The following STXBP5L variants were observed in gnomAD, a reference collection of about 807,000 sequenced individuals.
The protein encoded by STXBP5L is syntaxin binding protein 5L.
Under a neutral mutation model 144.5 loss-of-function variants are expected in STXBP5L, and 65 were observed. That is an observed-to-expected ratio of 0.45 (90% CI 0.37 to 0.55). The LOEUF (loss-of-function observed/expected upper bound fraction) is 0.55, where lower values mean the gene tolerates loss of function less well. Among genes scored for constraint, STXBP5L ranks in the 20% least tolerant of loss-of-function variants. STXBP5L has a pLI of 0.00. For missense variants in STXBP5L, 1,298 were observed against 1,405.5 expected (o/e 0.92, Z 1.22); for synonymous variants, 505 against 469.6 (o/e 1.08, Z -0.97).
At chr3:121,080,170 G>T (rs2107689680) in intron 5 of STXBP5L, among the ~76,000 whole-genome samples, 2 of 152,036 alleles carry the variant, frequency 1.3e-5, no homozygotes, top group Admixed American at 1.3e-4. Flanking sequence ...GTTTCCATTG[G>T]CATGGAACAT....
At chr3:121,103,308 G>T (rs566640180) in intron 5 of STXBP5L, among the ~76,000 whole-genome samples, 1 of 152,254 alleles carries the variant, frequency 6.6e-6, no homozygotes, top group South Asian at 2.1e-4. Flanking sequence ...CTTGACAGTG[G>T]ATTGGAGGAA....
intron 2 of STXBP5L, among the ~76,000 whole-genome samples, chr3:120,932,654 G>C (rs900214730): frequency 1.1e-4 from 16 of 152,224 alleles, no homozygotes; most frequent in Non-Finnish European, 1.5e-4. Context: ...CCTCAGGGAT[G>C]TAGAACTGGA....
intron 22 of STXBP5L, among the ~76,000 whole-genome samples, chr3:121,383,826 G>A (rs2046369511): frequency 6.6e-6 from 1 of 152,036 alleles, no homozygotes; most frequent in Non-Finnish European, 1.5e-5. Context: ...ATACCCATGA[G>A]TCTCTGCCCA....
At chr3:121,062,323 A>C (rs767584530) in intron 5 of STXBP5L, among the ~76,000 whole-genome samples, 2 of 152,076 alleles carry the variant, frequency 1.3e-5, no homozygotes, top group Non-Finnish European at 2.9e-5. Flanking sequence ...TTTTCCCCCC[A>C]CTTTCTTCTG....
At chr3:121,186,870 T>C (rs1442171145) in intron 9 of STXBP5L, among the ~76,000 whole-genome samples, 4 of 152,108 alleles carry the variant, frequency 2.6e-5, no homozygotes, top group African/African-American at 9.7e-5. Flanking sequence ...TGAGATACCA[T>C]CTCACACCAG....
At chr3:121,196,949 C>T (rs2047943948) in intron 9 of STXBP5L, among the ~76,000 whole-genome samples, 1 of 152,190 alleles carries the variant, frequency 6.6e-6, no homozygotes, top group Non-Finnish European at 1.5e-5. Flanking sequence ...TCCCAAAGTG[C>T]TGGGATTTCA....
intron 11 of STXBP5L, 144 bp downstream of exon 11, chr3:121,223,301 T>C: frequency 2.5e-6 from 2 of 790,610 alleles, no homozygotes; most frequent in Non-Finnish European, 1.9e-6. Flanking sequence ...TCTGCAACTG[T>C]ACCTACTTGA....
Position 121,359,933 on chromosome 3 carries a change from T to G in STXBP5L, c.2177-18783T>G, listed in dbSNP as rs890386829. 2.1e-5 allele frequency among the ~76,000 whole-genome samples: 3 copies of G among 142,052 alleles called. No individual in the cohort carries two copies. In the Admixed American group the frequency reaches 2.2e-4, roughly 10 times the overall value. The allele number at this position is 142,052 out of a possible 152,430, so 93.2% of individuals were successfully genotyped here. On this transcript the variant is annotated intron_variant, in intron 20 of 26. Coordinates refer to ENST00000471454, the MANE Select transcript of STXBP5L (RefSeq NM_001308330.2). The stretch of plus-strand genomic sequence containing the variant: ...CCAGTTTGGTTCTTTTTGCTTAGGA[T>G]ATCTTTGACTATTCTGAGTCTTTTG...
chr3:121,416,014 G>A lies in STXBP5L; in HGVS notation c.3226+46G>A, dbSNP rs553145585. The A allele has an allele frequency of 1.4e-4, 202 of 1,475,282 alleles. 2 individuals carry two copies. In the South Asian group the frequency reaches 1.5e-3, roughly 11 times the overall value. 91.4% of individuals were successfully genotyped at this position (1,475,282 alleles called of 1,614,324 possible). A position where few individuals can be genotyped will look rare whatever the true frequency, so the allele number is the denominator to read the frequency against. Reference sequence around the variant, plus strand: ...AGAAATGTATTGCAAAATAGAAGACGTTTCTGTGTATGTGTATTTGTGTGT... The same window carrying A: ...AGAAATGTATTGCAAAATAGAAGACATTTCTGTGTATGTGTATTTGTGTGT... On this transcript the variant is annotated intron_variant, in intron 25 of 26. Coordinates refer to ENST00000471454, the MANE Select transcript of STXBP5L (RefSeq NM_001308330.2).
intron 9 of STXBP5L, among the ~76,000 whole-genome samples, chr3:121,198,894 A>T (rs1464855433): frequency 6.6e-6 from 1 of 152,166 alleles, no homozygotes; most frequent in Non-Finnish European, 1.5e-5. Context: ...GTAGCCTTGT[A>T]GTATAGTGTG....
intron 20 of STXBP5L, among the ~76,000 whole-genome samples, chr3:121,329,529 G>A (rs2044254886): frequency 6.6e-6 from 1 of 152,206 alleles, no homozygotes; most frequent in South Asian, 2.1e-4. Context: ...TACTTTTGGA[G>A]GTTCTATCAT....
At chr3:121,006,177 G>T (rs1323485927) in intron 3 of STXBP5L, among the ~76,000 whole-genome samples, 10 of 152,240 alleles carry the variant, frequency 6.6e-5, no homozygotes, top group African/African-American at 2.2e-4. Context: ...TTATTTTTGT[G>T]TGGGAGTCTA....
At chr3:120,962,634 A>G (rs548387811) in intron 3 of STXBP5L, among the ~76,000 whole-genome samples, 6 of 152,106 alleles carry the variant, frequency 3.9e-5, no homozygotes, top group Non-Finnish European at 7.4e-5. Flanking sequence ...CCATTGATCT[A>G]TATCTCTGTT....
intron 9 of STXBP5L, among the ~76,000 whole-genome samples, chr3:121,174,502 G>A (rs1427339022): frequency 6.6e-6 from 1 of 152,080 alleles, no homozygotes; most frequent in African/African-American, 2.4e-5. Context: ...GTTACTGAAA[G>A]GTCAACTGTA....
At chr3:121,052,121 G>A (rs1048942731) in intron 5 of STXBP5L, among the ~76,000 whole-genome samples, 4 of 152,190 alleles carry the variant, frequency 2.6e-5, no homozygotes, top group African/African-American at 9.7e-5. Context: ...TCCAGGACCA[G>A]ATGGATTCAC....
intron 5 of STXBP5L, among the ~76,000 whole-genome samples, chr3:121,087,606 T>A (rs917157314): frequency 1.3e-5 from 2 of 152,072 alleles, no homozygotes; most frequent in Non-Finnish European, 2.9e-5. Context: ...TATAGTTGGG[T>A]CATGGTTTTT....
At chr3:120,952,888 T>G (rs898833334) in intron 2 of STXBP5L, among the ~76,000 whole-genome samples, 3 of 151,950 alleles carry the variant, frequency 2.0e-5, no homozygotes, top group Non-Finnish European at 4.4e-5. Context: ...AGCCTCAACC[T>G]CCCAGGCTCA....
chr3:121,366,605 C>A (rs952378552), intron 20 of STXBP5L, among the ~76,000 whole-genome samples: 1 of 152,036 alleles, frequency 6.6e-6, no homozygotes, highest in East Asian at 1.9e-4. Flanking sequence ...CTTTCTCCAT[C>A]CTTTCACTTT....
intron 20 of STXBP5L, among the ~76,000 whole-genome samples, chr3:121,367,790 C>CTTTTTTTTTTTTTTTTTTTTTTTTT (rs200992044): frequency 9.4e-6 from 1 of 106,304 alleles, no homozygotes; most frequent in Non-Finnish European, 1.8e-5. Flanking sequence ...TTTGCTTTTC[C>CTTTTTTTTTTTTTTTTTTTTTTTTT]TTTTTTTTTT....
Sources: allele counts gnomAD v4.1 joint callset (sites outside exome capture counted in the v4.1 genomes callset), GRCh38; gene constraint gnomAD v4.1.1; transcripts MANE v1.5; gene names NCBI Gene and HGNC (gene_info 2026-07-23, HGNC 2026-07-21).